Variants in CPA3 observed in about 807,000 individuals in gnomAD.
The protein encoded by CPA3 is mast cell carboxypeptidase A.
CPA3 carries 52 observed loss-of-function variants against 55.8 expected under a neutral mutation model. That is an observed-to-expected ratio of 0.93 (90% CI 0.75 to 1.17). The LOEUF is 1.17. Among genes scored for constraint, CPA3 ranks in the 50% most tolerant of loss-of-function variants. CPA3 has a pLI of 0.00. For missense variants in CPA3, 547 were observed against 509.1 expected, an observed-to-expected ratio of 1.07 and a Z score of -0.72; for synonymous variants, 179 against 171.2, an observed-to-expected ratio of 1.05 and a Z score of -0.36.
intron 7 of CPA3, among the ~76,000 whole-genome samples, chr3:148,882,181 A>G (rs2108035329): frequency 6.6e-6 from 1 of 152,342 alleles, no homozygotes; most frequent in East Asian, 1.9e-4. Context: ...TATATGGTGA[A>G]CAAGCTAATG....
At chr3:148,878,864 A>T in intron 5 of CPA3, 116 bp downstream of exon 5, 1 of 637,484 alleles carries the variant, frequency 1.6e-6, no homozygotes, top group Non-Finnish European at 2.7e-6. Context: ...CTCTGAAAGA[A>T]TATTTAAGCT....
chr3:148,883,713 C>T lies in CPA3; in HGVS notation c.879C>T (p.His293=), dbSNP rs772436839. 2.5e-6 allele frequency: 4 copies of T among 1,613,870 alleles called. No individual in the cohort carries two copies. The highest frequency in any genetic ancestry group is 2.2e-5 in the South Asian group (2 of 91,080). The change falls in exon 9 of 11, where the codon CAC becomes CAT. Residue 293 remains histidine, a synonymous_variant. Coordinates refer to ENST00000296046, the MANE Select transcript of CPA3 (RefSeq NM_001870.4). Reference sequence around the variant, plus strand: ...CTGTCACTAATTTCATTAGAAGCCACCTGAATGAAATCAAGGTTTACATCA... The same window carrying T: ...CTGTCACTAATTTCATTAGAAGCCATCTGAATGAAATCAAGGTTTACATCA... The part of the protein sequence containing the change: ...TKAVTNFIRS[H]LNEIKVYITF...
At chr3:148,891,813 C>T (rs374733176) in intron 10 of CPA3, among the ~76,000 whole-genome samples, 2 of 152,190 alleles carry the variant, frequency 1.3e-5, no homozygotes, top group South Asian at 4.1e-4. Context: ...AGAGCTACTG[C>T]AACTAGGAAC....
chr3:148,893,955 A>G (rs535008362), intron 10 of CPA3, among the ~76,000 whole-genome samples: 8 of 152,224 alleles, frequency 5.3e-5, no homozygotes, highest in Non-Finnish European at 1.0e-4. Context: ...GGAGGGAATA[A>G]GACATTCTCA....
intron 3 of CPA3, among the ~76,000 whole-genome samples, chr3:148,876,172 G>A (rs1714196329): frequency 6.7e-6 from 1 of 148,208 alleles, no homozygotes; most frequent in Non-Finnish European, 1.5e-5. Flanking sequence ...AACCAAAAAT[G>A]TAGTGAGAAA....
Position 148,896,596 on chromosome 3 carries a change from T to C in CPA3, c.1143T>C (p.Asp381=). The C allele has an allele frequency of 6.3e-7, 1 of 1,590,722 alleles. No homozygotes were observed. The highest frequency in any genetic ancestry group is 8.6e-7 in the Non-Finnish European group (1 of 1,162,190). ...IKHTFAFELR[D]KGKFGFLLPE... ...ACACATTTGCCTTTGAGCTCCGAGATAAAGGCAAATTTGGTTTTCTCCTTC... is the reference window on the plus strand; with the variant it reads ...ACACATTTGCCTTTGAGCTCCGAGACAAAGGCAAATTTGGTTTTCTCCTTC... The change falls in exon 11 of 11, where the codon GAT becomes GAC. Residue 381 remains aspartate (D), a synonymous_variant. Transcript: ENST00000296046.
At chr3:148,878,964 G>A (rs1365139603) in intron 5 of CPA3, among the ~76,000 whole-genome samples, 1 of 152,092 alleles carries the variant, frequency 6.6e-6, no homozygotes, top group African/African-American at 2.4e-5. Context: ...ATTGCACAGT[G>A]GACAAACCCA....
intron 3 of CPA3, among the ~76,000 whole-genome samples, chr3:148,877,407 T>C (rs1352764197): frequency 2.0e-5 from 3 of 151,700 alleles, no homozygotes; most frequent in Non-Finnish European, 4.4e-5. Context: ...AGCAGGAGAA[T>C]CACTTGAACC....
intron 2 of CPA3, among the ~76,000 whole-genome samples, chr3:148,867,958 A>G (rs1386120043): frequency 6.6e-6 from 1 of 152,106 alleles, no homozygotes; most frequent in Non-Finnish European, 1.5e-5. Flanking sequence ...TGCAATAGCG[A>G]GATCTCGGCT....
rs547234834 is a variant in CPA3 at position 148,874,757 on chromosome 3, C to G, written c.270-3684C>G. 2.0e-5 allele frequency among the ~76,000 whole-genome samples: 3 copies of G among 152,240 alleles called. No homozygotes were observed. The South Asian group carries it at 6.2e-4, about 32-fold the overall frequency. ...AGTCAGTCAATCAGCAAGGAGAAAC[C>G]AACAAGTAGAGTGGAGCTCAGCAGT... is the stretch of plus-strand genomic sequence containing the variant. On this transcript the variant is annotated intron_variant, in intron 3 of 10. Coordinates refer to ENST00000296046, the MANE Select transcript of CPA3 (RefSeq NM_001870.4).
chr3:148,882,029 T>C (rs1307819983), intron 7 of CPA3, among the ~76,000 whole-genome samples: 1 of 152,176 alleles, frequency 6.6e-6, no homozygotes, highest in Admixed American at 6.6e-5. Flanking sequence ...GAGGTACAGA[T>C]ACCTATTTGT....
intron 10 of CPA3, among the ~76,000 whole-genome samples, chr3:148,889,161 A>G (rs1163265095): frequency 6.6e-6 from 1 of 152,252 alleles, no homozygotes; most frequent in African/African-American, 2.4e-5. Context: ...CAAGATTTCT[A>G]GAACAGACTG....
At chr3:148,872,509 G>A (rs999900898) in intron 3 of CPA3, among the ~76,000 whole-genome samples, 2 of 152,290 alleles carry the variant, frequency 1.3e-5, no homozygotes, top group Middle Eastern at 3.4e-3. Context: ...ATAAGATTAT[G>A]TGAGAAATGC....
chr3:148,879,011 C>T (rs944310498), intron 5 of CPA3, among the ~76,000 whole-genome samples: 1 of 123,770 alleles, frequency 8.1e-6, no homozygotes, highest in Non-Finnish European at 1.7e-5. Context: ...TTACAAGAGT[C>T]CATGATGTCT....
intron 10 of CPA3, among the ~76,000 whole-genome samples, chr3:148,892,047 C>G (rs1216112563): frequency 2.0e-4 from 3 of 15,224 alleles, no homozygotes; most frequent in African/African-American, 3.4e-4. Context: ...CTGTTAATAA[C>G]TTCTTGCCAT....
intron 10 of CPA3, among the ~76,000 whole-genome samples, chr3:148,894,638 G>A (rs1559972485): frequency 1.5e-5 from 2 of 130,176 alleles, no homozygotes; most frequent in Non-Finnish European, 3.3e-5. Context: ...AAATGAGAAT[G>A]ATGGAAAAGA....
rs183007878 is a variant in CPA3 at position 148,886,269 on chromosome 3, G to A, written c.1066+92G>A. 2.1e-5 allele frequency: 17 copies of A among 828,728 alleles called. No individual in the cohort carries two copies. The East Asian group carries it at 4.3e-4, about 21-fold the overall frequency. The allele number at this position is 828,728 out of a possible 1,614,324, so 51.3% of individuals were successfully genotyped here. A position where few individuals can be genotyped will look rare whatever the true frequency, so the allele number is the denominator to read the frequency against. On this transcript the variant is annotated intron_variant, in intron 10 of 10. Coordinates refer to ENST00000296046, the MANE Select transcript of CPA3 (RefSeq NM_001870.4). ...TATGGAATTTGCAATTTAGGTTAGA[G>A]CATCTGGAATTGCTAATTTAAATTC...
At chr3:148,891,951 G>A (rs1215660027) in intron 10 of CPA3, among the ~76,000 whole-genome samples, 1 of 152,136 alleles carries the variant, frequency 6.6e-6, no homozygotes, top group Non-Finnish European at 1.5e-5. Flanking sequence ...AATCCAACTA[G>A]CTAAAAGTGG....
intron 10 of CPA3, among the ~76,000 whole-genome samples, chr3:148,890,713 C>T (rs549234206): frequency 9.2e-5 from 14 of 152,234 alleles, no homozygotes; most frequent in South Asian, 4.1e-4. Flanking sequence ...TTTTTTAAAA[C>T]GATACAATTT....
Sources: allele counts gnomAD v4.1 joint callset (sites outside exome capture counted in the v4.1 genomes callset), GRCh38; gene constraint gnomAD v4.1.1; transcripts MANE v1.5; gene names NCBI Gene and HGNC (gene_info 2026-07-23, HGNC 2026-07-21).